LHX8: variants seen among roughly 807,000 people sequenced by gnomAD.
The protein encoded by LHX8 is LIM homeobox 8.
In LHX8, 12 loss-of-function variants were observed where a neutral mutation model predicts 40.3. That is an observed-to-expected ratio of 0.30 (90% CI 0.19 to 0.48). The LOEUF is 0.48. Ranked by LOEUF, LHX8 falls within the 20% of genes least tolerant of loss-of-function variation. LHX8 has a pLI of 0.99. For synonymous variants in LHX8, 179 were observed against 162.0 expected (o/e 1.10, Z -0.80); for missense variants, 344 against 433.7 (o/e 0.79, Z 1.84).
the LHX8 span, among the ~76,000 whole-genome samples, chr1:75,183,366 G>A: frequency 6.6e-6 from 1 of 151,986 alleles, no homozygotes; most frequent in Non-Finnish European, 1.5e-5. Context: ...GAATGTTAAA[G>A]GCAGCTAGAG....
intron 6 of LHX8, among the ~76,000 whole-genome samples, chr1:75,144,779 G>A (rs1648417288): frequency 6.6e-6 from 1 of 152,046 alleles, no homozygotes; most frequent in Non-Finnish European, 1.5e-5. Flanking sequence ...CTATCACACT[G>A]CTGGGTACCT....
the LHX8 span, among the ~76,000 whole-genome samples, chr1:75,170,945 A>T: frequency 6.6e-6 from 1 of 152,196 alleles, no homozygotes; most frequent in South Asian, 2.1e-4. Flanking sequence ...TATTATTATC[A>T]TTCCCACTTT....
At chr1:75,197,316 G>A in the LHX8 span, among the ~76,000 whole-genome samples, 44 of 152,132 alleles carry the variant, frequency 2.9e-4, 1 homozygote, top group East Asian at 5.2e-3. Flanking sequence ...GCTAAAATTA[G>A]CATTCTAAAT....
the LHX8 span, among the ~76,000 whole-genome samples, chr1:75,185,363 G>A: frequency 1.3e-5 from 2 of 151,972 alleles, no homozygotes; most frequent in Non-Finnish European, 2.9e-5. Flanking sequence ...ACAAAATACT[G>A]ACAAATGGAA....
At chr1:75,186,009 T>C in the LHX8 span, among the ~76,000 whole-genome samples, 1 of 152,114 alleles carries the variant, frequency 6.6e-6, no homozygotes, top group African/African-American at 2.4e-5. Context: ...GATCTCTACC[T>C]TGAGAATTAC....
At chr1:75,162,689 A>G (rs1648946337), downstream of LHX8, among the ~76,000 whole-genome samples, 1 of 152,216 alleles carries the variant, frequency 6.6e-6, no homozygotes, top group Non-Finnish European at 1.5e-5. Flanking sequence ...AGATTTATAT[A>G]TCCTGAATAT....
chr1:75,156,451 A>C (rs1358772007), intron 7 of LHX8, among the ~76,000 whole-genome samples: 1 of 152,104 alleles, frequency 6.6e-6, no homozygotes, highest in Non-Finnish European at 1.5e-5. Flanking sequence ...CATGTTGGCC[A>C]GGCTGGTATT....
intron 7 of LHX8, among the ~76,000 whole-genome samples, chr1:75,152,179 A>G (rs1016471865): frequency 2.6e-5 from 4 of 152,168 alleles, no homozygotes; most frequent in African/African-American, 9.7e-5. Flanking sequence ...GTAAGAAAAA[A>G]GAGTTTTTAT....
chr1:75,191,847 C>G, the LHX8 span, among the ~76,000 whole-genome samples: 1 of 152,076 alleles, frequency 6.6e-6, no homozygotes, highest in African/African-American at 2.4e-5. Flanking sequence ...GGATATAGAC[C>G]AAAGCATAAC....
intron 3 of LHX8, among the ~76,000 whole-genome samples, chr1:75,140,619 T>C (rs1648285129): frequency 6.6e-6 from 1 of 152,124 alleles, no homozygotes; most frequent in South Asian, 2.1e-4. Context: ...AAGAACTTGG[T>C]AAAATATAAC....
chr1:75,134,385 C>G (rs1009902825), upstream of LHX8, among the ~76,000 whole-genome samples: 5 of 151,604 alleles, frequency 3.3e-5, no homozygotes, highest in Non-Finnish European at 1.5e-5. Context: ...TCAGGAAAAG[C>G]TCAGTGCTCA....
chr1:75,132,750 A>AC (rs1648005771), upstream of LHX8: 1 of 102,190 alleles, frequency 9.8e-6, no homozygotes, highest in Non-Finnish European at 2.0e-5. Context: ...ATTCACTTTA[A>AC]ACCCTAACAC....
At chr1:75,179,273 G>C in the LHX8 span, among the ~76,000 whole-genome samples, 1 of 152,154 alleles carries the variant, frequency 6.6e-6, no homozygotes, top group African/African-American at 2.4e-5. Flanking sequence ...ACAGTGGTGT[G>C]TTAAAGTCTC....
At chr1:75,151,682 C>G (rs1648616882) in intron 7 of LHX8, among the ~76,000 whole-genome samples, 3 of 152,158 alleles carry the variant, frequency 2.0e-5, no homozygotes, top group Admixed American at 6.5e-5. Flanking sequence ...GCAGGTAGTT[C>G]CGACTCCACG....
the LHX8 span, among the ~76,000 whole-genome samples, chr1:75,184,753 A>G: frequency 6.6e-6 from 1 of 151,870 alleles, no homozygotes; most frequent in Non-Finnish European, 1.5e-5. Context: ...AAGAAATAAC[A>G]CAAATCAGAG....
At chr1:75,181,452 C>T in the LHX8 span, among the ~76,000 whole-genome samples, 3 of 152,178 alleles carry the variant, frequency 2.0e-5, no homozygotes, top group Admixed American at 6.5e-5. Context: ...GTTGCCAGTT[C>T]GATCTCGGAC....
At chr1:75,171,346 T>C in the LHX8 span, among the ~76,000 whole-genome samples, 1 of 152,144 alleles carries the variant, frequency 6.6e-6, no homozygotes, top group Non-Finnish European at 1.5e-5. Flanking sequence ...GTTACAGACA[T>C]ACTGACTTAA....
chr1:75,150,950 C>T (rs190364353), intron 7 of LHX8, among the ~76,000 whole-genome samples: 1 of 152,198 alleles, frequency 6.6e-6, no homozygotes, highest in Non-Finnish European at 1.5e-5. Flanking sequence ...GACGGGATTA[C>T]AGGGGTGAGC....
chr1:75,172,987 C>T, the LHX8 span, among the ~76,000 whole-genome samples: 8 of 152,246 alleles, frequency 5.3e-5, no homozygotes, highest in South Asian at 1.5e-3. Flanking sequence ...ATGTCAAACT[C>T]TGAATTCTGG....
Sources: gnomAD v4.1 joint callset for allele counts (sites outside exome capture counted in the v4.1 genomes callset) on GRCh38, gnomAD v4.1.1 for gene constraint, MANE v1.5 for transcripts, NCBI Gene and HGNC (gene_info 2026-07-23, HGNC 2026-07-21) for gene names.